ZNF536: variants seen among roughly 807,000 people sequenced by gnomAD.
ZNF536 encodes zinc finger protein 536.
In ZNF536, 13 loss-of-function variants were observed where a neutral mutation model predicts 84.5. The ratio of observed to expected loss-of-function variants is 0.15; its 90% CI spans 0.10 to 0.24. ZNF536 has a LOEUF of 0.24. ZNF536 is among the 10% of genes least tolerant of loss of function. The probability of loss-of-function intolerance (pLI) is 1.00; values close to 1 mark genes in which losing one functional copy is unlikely to be tolerated. For missense variants in ZNF536, 1,536 were observed against 1,747.5 expected (o/e 0.88, Z 2.16); for synonymous variants, 811 against 742.5 (o/e 1.09, Z -1.50).
chr19:30,416,576 C>T (rs1275988919), intron 1 of ZNF536, among the ~76,000 whole-genome samples: 1 of 152,030 alleles, frequency 6.6e-6, no homozygotes, highest in Non-Finnish European at 1.5e-5. Flanking sequence ...GGAAAATAGG[C>T]AGGCTGGGAC....
chr19:30,353,652 G>C (rs918092436), intron 3 of ZNF536, among the ~76,000 whole-genome samples: 7 of 152,074 alleles, frequency 4.6e-5, no homozygotes, highest in African/African-American at 1.4e-4. Context: ...ACAGCATATC[G>C]CCGGCAGGAG....
At chr19:30,688,097 A>G (rs1208066300) in intron 1 of ZNF536, among the ~76,000 whole-genome samples, 1 of 151,816 alleles carries the variant, frequency 6.6e-6, no homozygotes, top group Non-Finnish European at 1.5e-5. Context: ...AACACCCAGA[A>G]AACACGGAGA....
downstream of ZNF536, among the ~76,000 whole-genome samples, chr19:30,560,435 C>A (rs2046122329): frequency 6.6e-6 from 1 of 152,170 alleles, no homozygotes; most frequent in Non-Finnish European, 1.5e-5. Context: ...TCCCCCAAGC[C>A]ACCACCCATC....
intron 2 of ZNF536, among the ~76,000 whole-genome samples, chr19:30,506,796 G>T (rs954398938): frequency 1.3e-5 from 2 of 152,104 alleles, no homozygotes; most frequent in South Asian, 2.1e-4. Context: ...TTTGGGCTTG[G>T]TTTAACCTGA....
chr19:30,563,246 C>T (rs1002135257), intron 1 of ZNF536, among the ~76,000 whole-genome samples: 1 of 152,112 alleles, frequency 6.6e-6, no homozygotes, highest in Admixed American at 6.5e-5. Flanking sequence ...AGGTCTCTTT[C>T]TGGATGGCCC....
intron 2 of ZNF536, among the ~76,000 whole-genome samples, chr19:30,289,831 T>C (rs982698951): frequency 6.6e-6 from 1 of 152,178 alleles, no homozygotes; most frequent in South Asian, 2.1e-4. Flanking sequence ...CCTGTGTGTG[T>C]TGGGTTTTTT....
chr19:30,707,556 G>C (rs979114336), intron 1 of ZNF536, among the ~76,000 whole-genome samples: 1 of 152,158 alleles, frequency 6.6e-6, no homozygotes, highest in Non-Finnish European at 1.5e-5. Context: ...CTGTCAGGAA[G>C]GGCCAACAGC....
intron 1 of ZNF536, among the ~76,000 whole-genome samples, chr19:30,658,095 T>C (rs2049983820): frequency 6.7e-6 from 1 of 149,644 alleles, no homozygotes; most frequent in South Asian, 2.3e-4. Context: ...CAATCTCGGC[T>C]CACTGCAACC....
At chr19:30,584,440 C>T (rs1003753611) in intron 1 of ZNF536, among the ~76,000 whole-genome samples, 18 of 152,322 alleles carry the variant, frequency 1.2e-4, no homozygotes, top group African/African-American at 3.4e-4. Context: ...GATGGCCCTG[C>T]GGTTACGCTT....
intron 1 of ZNF536, among the ~76,000 whole-genome samples, chr19:30,623,601 C>T (rs990733838): frequency 1.2e-4 from 19 of 152,250 alleles, no homozygotes; most frequent in African/African-American, 4.3e-4. Context: ...ACAATGACTT[C>T]TCCATGCATA....
chr19:30,469,275 G>C (rs180984817), intron 2 of ZNF536, among the ~76,000 whole-genome samples: 3 of 152,142 alleles, frequency 2.0e-5, no homozygotes, highest in Non-Finnish European at 2.9e-5. Flanking sequence ...TTAGCCGGGC[G>C]TGGTGGTGGG....
intron 2 of ZNF536, among the ~76,000 whole-genome samples, chr19:30,285,701 CA>C (rs2045601408): frequency 6.6e-6 from 1 of 152,184 alleles, no homozygotes; most frequent in Non-Finnish European, 1.5e-5. Flanking sequence ...GGGTCTTTCA[CA>C]TTTGGCATTA....
intron 1 of ZNF536, among the ~76,000 whole-genome samples, chr19:30,595,145 C>G (rs2047415774): frequency 6.6e-6 from 1 of 152,216 alleles, no homozygotes; most frequent in East Asian, 1.9e-4. Flanking sequence ...TTCAGCTAGT[C>G]TGAATTCCAG....
At chr19:30,291,785 G>A (rs558032054) in intron 2 of ZNF536, among the ~76,000 whole-genome samples, 1 of 152,194 alleles carries the variant, frequency 6.6e-6, no homozygotes, top group Non-Finnish European at 1.5e-5. Context: ...CTTCATGGGT[G>A]TGCAGTGGCT....
intron 1 of ZNF536, among the ~76,000 whole-genome samples, chr19:30,229,901 C>CACTG (rs1381076612): frequency 6.6e-6 from 1 of 152,176 alleles, no homozygotes; most frequent in South Asian, 2.1e-4. Context: ...CAGTCCCAGA[C>CACTG]ACTGACATAC....
At chr19:30,535,133 C>A in intron 3 of ZNF536, 134 bp downstream of exon 3, 1 of 1,009,628 alleles carries the variant, frequency 9.9e-7, no homozygotes, top group Non-Finnish European at 1.4e-6. Context: ...TGTCTAGCCA[C>A]CATTGTATGG....
intron 1 of ZNF536, among the ~76,000 whole-genome samples, chr19:30,409,773 C>T (rs928527851): frequency 3.9e-5 from 6 of 152,092 alleles, no homozygotes; most frequent in Admixed American, 2.6e-4. Context: ...AGTGGTACAC[C>T]GTACTAATTT....
intron 1 of ZNF536, among the ~76,000 whole-genome samples, chr19:30,427,430 G>T (rs545695713): frequency 6.6e-6 from 1 of 152,280 alleles, no homozygotes; most frequent in South Asian, 2.1e-4. Flanking sequence ...AATGATTTTT[G>T]ATCTTTGATC....
intron 1 of ZNF536, among the ~76,000 whole-genome samples, chr19:30,427,569 T>C (rs1283769134): frequency 1.3e-5 from 2 of 152,068 alleles, no homozygotes; most frequent in African/African-American, 4.8e-5. Context: ...TCTCAGCCGG[T>C]TGGCTTTCTT....
Sources: gnomAD v4.1 joint callset for allele counts (sites outside exome capture counted in the v4.1 genomes callset) on GRCh38, gnomAD v4.1.1 for gene constraint, MANE v1.5 for transcripts, NCBI Gene and HGNC (gene_info 2026-07-23, HGNC 2026-07-21) for gene names.